ECT2: variants seen among roughly 807,000 people sequenced by gnomAD.
ECT2 encodes the protein epithelial cell transforming 2, also known as protein ECT2.
In ECT2, 61 loss-of-function variants were observed where a neutral mutation model predicts 116.9. The ratio of observed to expected loss-of-function variants is 0.52; its 90% CI spans 0.42 to 0.65. The LOEUF (loss-of-function observed/expected upper bound fraction) is 0.65. Ranked by LOEUF, ECT2 falls within the 30% of genes least tolerant of loss-of-function variation. The pLI, the probability that ECT2 is intolerant of heterozygous loss-of-function variation, is 0.00. For missense variants in ECT2, 937 were observed against 1,078.7 expected (o/e 0.87, Z 1.84); for synonymous variants, 358 against 346.4 (o/e 1.03, Z -0.37).
rs925473913 is a variant in ECT2, at chr3:172,783,915, G to A, written c.1728+6G>A. Reference sequence around the variant, plus strand: ...GATTTCATGCTTTTCTCAAGGTAATGTGTGTTTCTTTCAAATAAAAATTTG... The same window carrying A: ...GATTTCATGCTTTTCTCAAGGTAATATGTGTTTCTTTCAAATAAAAATTTG... On this transcript the variant is annotated splice_donor_region_variant and intron_variant, in intron 16 of 24. Coordinates refer to ENST00000392692, the MANE Select transcript of ECT2 (RefSeq NM_001258315.2). The A allele has an allele frequency of 6.6e-7, 1 of 1,513,430 alleles. No individual in the cohort carries two copies. The highest frequency in any genetic ancestry group is 1.7e-4 in the Middle Eastern group (1 of 5,804). The allele number at this position is 1,513,430 out of a possible 1,614,324, so 93.8% of individuals were successfully genotyped here. A position where few individuals can be genotyped will look rare whatever the true frequency, so the allele number is the denominator to read the frequency against.
At chr3:172,773,143 G>C (rs1720961482) in intron 13 of ECT2, among the ~76,000 whole-genome samples, 1 of 152,122 alleles carries the variant, frequency 6.6e-6, no homozygotes, top group East Asian at 1.9e-4. Flanking sequence ...CATTCTTACT[G>C]TGTTGATTCT....
chr3:172,775,239 C>T (rs549621859), intron 14 of ECT2, among the ~76,000 whole-genome samples: 2 of 152,282 alleles, frequency 1.3e-5, no homozygotes, highest in East Asian at 1.9e-4. Flanking sequence ...AAATAACTCA[C>T]ATTAATATTT....
chr3:172,778,167 C>T (rs1722075530), intron 14 of ECT2, among the ~76,000 whole-genome samples: 1 of 152,160 alleles, frequency 6.6e-6, no homozygotes, highest in South Asian at 2.1e-4. Context: ...TCTTAAGCCC[C>T]ATCTGTTTAT....
Position 172,807,895 on chromosome 3 carries a change from G to C in ECT2, c.2371G>C (p.Val791Leu). 1 of 1,613,858 alleles carries C rather than the reference G, an allele frequency of 6.2e-7. No individual in the cohort carries two copies. Among genetic ancestry groups the C allele is most frequent in the Non-Finnish European group, 8.5e-7 (1 of 1,179,826 alleles). The change falls in exon 22 of 25, where the codon GTA becomes CTA. Residue 791 changes from valine to leucine, a missense_variant. Coordinates refer to ENST00000392692, the MANE Select transcript of ECT2 (RefSeq NM_001258315.2). ...CTGGCTAAAGATGCTGTGTCGACATGTAGCTAACACCATTTGTAAAGCAGA... is the reference window on the plus strand; with the variant it reads ...CTGGCTAAAGATGCTGTGTCGACATCTAGCTAACACCATTTGTAAAGCAGA... ...ENWLKMLCRH[V>L]ANTICKADAE...
intron 22 of ECT2, among the ~76,000 whole-genome samples, chr3:172,808,285 A>G (rs2109144934): frequency 6.6e-6 from 1 of 151,998 alleles, no homozygotes; most frequent in South Asian, 2.1e-4. Context: ...TGTGTTGCCC[A>G]GGCTGGTCTT....
intron 12 of ECT2, among the ~76,000 whole-genome samples, chr3:172,765,019 A>G (rs1719062778): frequency 6.6e-6 from 1 of 152,194 alleles, no homozygotes; most frequent in East Asian, 1.9e-4. Context: ...TTAAGAAACA[A>G]AAAAAATCAA....
chr3:172,826,397 A>G (rs921924014), downstream of ECT2, among the ~76,000 whole-genome samples: 2 of 152,236 alleles, frequency 1.3e-5, no homozygotes, highest in Non-Finnish European at 2.9e-5. Context: ...CCTGAATGAC[A>G]GCACATCTTT....
Position 172,802,601 on chromosome 3 carries a change from A to G in ECT2, c.1908-15A>G. 4 of 1,486,598 alleles carry G rather than the reference A, an allele frequency of 2.7e-6. No individual in the cohort carries two copies. The highest frequency in any genetic ancestry group is 2.5e-5 in the South Asian group (2 of 80,892). The allele number at this position is 1,486,598 out of a possible 1,614,324, so 92.1% of individuals were successfully genotyped here. On this transcript the variant is annotated splice_polypyrimidine_tract_variant and intron_variant, in intron 18 of 24. Transcript: ENST00000392692. ...ATGTTCTATTTTAAAAGTTTTAAAA[A>G]TAACTATTTTTCAGGCATATTAATG...
At chr3:172,758,231 C>T (rs1576839337) in intron 5 of ECT2, among the ~76,000 whole-genome samples, 1 of 152,106 alleles carries the variant, frequency 6.6e-6, no homozygotes, top group Non-Finnish European at 1.5e-5. Flanking sequence ...TTGTTGCTGT[C>T]TTGGCATTCT....
At chr3:172,815,835 A>G in intron 23 of ECT2, 124 bp downstream of exon 23, 1 of 658,020 alleles carries the variant, frequency 1.5e-6, no homozygotes, top group East Asian at 3.0e-5. Context: ...CTTCGGTTCT[A>G]GGAAATGACC....
At chr3:172,767,723 G>GTTTTTTTTTTT (rs1719775330) in intron 12 of ECT2, among the ~76,000 whole-genome samples, 1 of 144,386 alleles carries the variant, frequency 6.9e-6, no homozygotes, top group African/African-American at 2.9e-5. Context: ...TATGTGTATA[G>GTTTTTTTTTTT]ATTTTTTTTT....
intron 22 of ECT2, among the ~76,000 whole-genome samples, chr3:172,814,044 T>C (rs1729252783): frequency 6.6e-6 from 1 of 152,062 alleles, no homozygotes. Context: ...TGAAACAATA[T>C]TGACATTTAC....
chr3:172,813,045 A>G (rs986691971), intron 22 of ECT2, among the ~76,000 whole-genome samples: 3 of 152,124 alleles, frequency 2.0e-5, no homozygotes, highest in Non-Finnish European at 4.4e-5. Context: ...AGATTGACAT[A>G]AGGTATCAAA....
intron 14 of ECT2, among the ~76,000 whole-genome samples, chr3:172,777,235 G>A (rs1721904773): frequency 6.6e-6 from 1 of 152,122 alleles, no homozygotes; most frequent in Non-Finnish European, 1.5e-5. Flanking sequence ...TTTATAAAAT[G>A]GGGATAATAA....
intron 18 of ECT2, among the ~76,000 whole-genome samples, chr3:172,790,981 C>T (rs1015967433): frequency 2.0e-5 from 3 of 152,126 alleles, no homozygotes; most frequent in African/African-American, 4.8e-5. Context: ...ATGGCAAAAC[C>T]CCATCTGTAC....
Position 172,754,613 on chromosome 3 carries a change from A to G in ECT2, c.83A>G (p.Glu28Gly). 6.2e-7 allele frequency: 1 copy of G among 1,612,088 alleles called. No homozygotes were observed. Among genetic ancestry groups the G allele is most frequent in the Non-Finnish European group, 8.5e-7 (1 of 1,178,754 alleles). ...DSSIFDSKVT[E>G]ISKENLLIGS... ...TCCATTTTTGATTCTAAAGTTACTG[A>G]GATTTCCAAGGAAAACTTACTTATT... is the stretch of plus-strand genomic sequence containing the variant. Residue 28 changes from glutamate (E) to glycine (G), a missense_variant, in exon 2 of 25, where the codon GAG becomes GGG. Glu to Gly is a moderately conservative substitution (Grantham distance 98, BLOSUM62 -2). Coordinates refer to ENST00000392692, the MANE Select transcript of ECT2 (RefSeq NM_001258315.2).
intron 22 of ECT2, among the ~76,000 whole-genome samples, chr3:172,814,866 A>C (rs949858645): frequency 2.0e-5 from 3 of 152,166 alleles, no homozygotes; most frequent in South Asian, 4.1e-4. Flanking sequence ...ATTGTCAACT[A>C]TAGTCACCAC....
chr3:172,783,771 A>T lies in ECT2; in HGVS notation c.1618-28A>T, dbSNP rs377473487. 2.4e-5 allele frequency: 34 copies of T among 1,410,298 alleles called. No homozygotes were observed. The Admixed American group carries it at 5.9e-4, about 25-fold the overall frequency. The allele number at this position is 1,410,298 out of a possible 1,614,324, so 87.4% of individuals were successfully genotyped here. On this transcript the variant is annotated intron_variant, in intron 15 of 24. Coordinates refer to ENST00000392692, the MANE Select transcript of ECT2 (RefSeq NM_001258315.2). ...TCTAAGGGTGACAAATGCATAATAA[A>T]TAATGTTTTTTTCCCTTTTCTTCCT... is the stretch of plus-strand genomic sequence containing the variant.
intron 20 of ECT2, 42 bp from the exon 21 acceptor site, chr3:172,805,689 C>T (rs1727550137): frequency 6.3e-7 from 1 of 1,586,906 alleles, no homozygotes. Flanking sequence ...GGTCCTTTTT[C>T]TTCATTTTAT....
Sources: allele counts gnomAD v4.1 joint callset (sites outside exome capture counted in the v4.1 genomes callset), GRCh38; gene constraint gnomAD v4.1.1; transcripts MANE v1.5; gene names NCBI Gene and HGNC (gene_info 2026-07-23, HGNC 2026-07-21).